The following ITGA8 variants were observed in gnomAD, a reference collection of about 807,000 sequenced individuals.
ITGA8 encodes the protein integrin alpha-8.
ITGA8 carries 91 observed loss-of-function variants against 142.3 expected under a neutral mutation model. The ratio of observed to expected loss-of-function variants is 0.64; its 90% CI spans 0.54 to 0.76. The LOEUF (loss-of-function observed/expected upper bound fraction) is 0.76, where lower values mean the gene tolerates loss of function less well. Among genes scored for constraint, ITGA8 ranks in the 30% least tolerant of loss-of-function variants. The probability of loss-of-function intolerance (pLI) is 0.00; values close to 1 mark genes in which losing one functional copy is unlikely to be tolerated. For synonymous variants in ITGA8, 505 were observed against 485.2 expected, an observed-to-expected ratio of 1.04 and a Z score of -0.54; for missense variants, 1,406 against 1,327.7, an observed-to-expected ratio of 1.06 and a Z score of -0.92.
chr10:15,605,917 C>A (rs577661681), intron 18 of ITGA8, 126 bp from the exon 19 acceptor site: 15 of 778,226 alleles, frequency 1.9e-5, no homozygotes. Context: ...TGACTCTACC[C>A]AAGCCAATAG....
At chr10:15,685,911 G>C (rs889009607) in intron 3 of ITGA8, among the ~76,000 whole-genome samples, 2 of 152,188 alleles carry the variant, frequency 1.3e-5, no homozygotes, top group Non-Finnish European at 2.9e-5. Context: ...TCCTCGTCAA[G>C]TAAATGAAAT....
rs9333084 is a variant in ITGA8, at chr10:15,687,275, A to G, written c.444+663T>C. Among the ~76,000 whole-genome samples the G allele has an allele frequency of 3.0e-3, 454 of 152,242 alleles. 4 individuals carry two copies. The highest frequency in any genetic ancestry group is 0.011 in the African/African-American group (440 of 41,522). Reference sequence around the variant, plus strand: ...CCAAAGTTATTGCTTTATTGTTGTAAGGAAATTAAAGCCAATAGGTTGAAA... The same window carrying G: ...CCAAAGTTATTGCTTTATTGTTGTAGGGAAATTAAAGCCAATAGGTTGAAA... On this transcript the variant is annotated intron_variant, in intron 3 of 29. Coordinates refer to ENST00000378076, the MANE Select transcript of ITGA8 (RefSeq NM_003638.3).
chr10:15,666,302 T>A (rs1468420134), intron 8 of ITGA8, among the ~76,000 whole-genome samples: 9 of 152,222 alleles, frequency 5.9e-5, no homozygotes, highest in East Asian at 1.9e-4. Flanking sequence ...AGTTCACTCA[T>A]GATTTGGCTC....
At chr10:15,664,541 G>C (rs1410744682) in intron 8 of ITGA8, among the ~76,000 whole-genome samples, 1 of 147,778 alleles carries the variant, frequency 6.8e-6, no homozygotes, top group Non-Finnish European at 1.5e-5. Flanking sequence ...TATACTTTAA[G>C]TTTTAGGGTA....
chr10:15,600,987 C>G (rs1251728723), intron 20 of ITGA8, among the ~76,000 whole-genome samples: 1 of 152,202 alleles, frequency 6.6e-6, no homozygotes, highest in Non-Finnish European at 1.5e-5. Context: ...CACCTGTAAT[C>G]TCAGCACTTT....
intron 25 of ITGA8, among the ~76,000 whole-genome samples, chr10:15,570,819 CAT>C (rs1834166708): frequency 6.6e-6 from 1 of 151,960 alleles, no homozygotes; most frequent in African/African-American, 2.4e-5. Context: ...TATATACAAA[CAT>C]ATATAAATAG....
intron 4 of ITGA8, 112 bp from the exon 5 acceptor site, chr10:15,678,895 G>T: frequency 5.2e-6 from 3 of 581,784 alleles, no homozygotes; most frequent in South Asian, 2.8e-5. Flanking sequence ...AATTAAAAAT[G>T]ATCAATATGT....
chr10:15,539,530 A>G (rs1833525764), intron 27 of ITGA8, among the ~76,000 whole-genome samples: 1 of 152,184 alleles, frequency 6.6e-6, no homozygotes, highest in Admixed American at 6.5e-5. Context: ...GGCAGGAAAT[A>G]AAAGAACAAT....
intron 13 of ITGA8, among the ~76,000 whole-genome samples, chr10:15,617,706 C>T (rs1034066838): frequency 5.3e-5 from 8 of 152,130 alleles, no homozygotes; most frequent in Non-Finnish European, 8.8e-5. Flanking sequence ...GCGGGCTTTT[C>T]TTAATCTCAT....
At position 15,644,237 on chromosome 10, in the gene ITGA8, A is replaced by C; in HGVS notation, c.1208-16T>G. On this transcript the variant is annotated splice_polypyrimidine_tract_variant and intron_variant, in intron 12 of 29. Transcript: ENST00000378076. ...ATGGCAATGTCTAAAAACAGACATAAAACATGTTTTATGTGTATATGTATT... is the reference window on the plus strand; with the variant it reads ...ATGGCAATGTCTAAAAACAGACATACAACATGTTTTATGTGTATATGTATT... 2.5e-6 allele frequency: 4 copies of C among 1,609,246 alleles called. No individual in the cohort carries two copies. The highest frequency in any genetic ancestry group is 3.4e-6 in the Non-Finnish European group (4 of 1,176,976).
chr10:15,528,098 T>C (rs552681058), intron 28 of ITGA8, among the ~76,000 whole-genome samples: 4 of 151,868 alleles, frequency 2.6e-5, no homozygotes, highest in African/African-American at 9.7e-5. Flanking sequence ...TGCTTTTTGT[T>C]GTTGTTGTTT....
chr10:15,527,022 A>ACGT (rs1833188000), intron 28 of ITGA8, among the ~76,000 whole-genome samples: 3 of 152,196 alleles, frequency 2.0e-5, no homozygotes, highest in South Asian at 4.1e-4. Context: ...ATTAATGTTG[A>ACGT]CGTCTCTATT....
At chr10:15,665,221 G>A in intron 8 of ITGA8, among the ~76,000 whole-genome samples, 1 of 152,186 alleles carries the variant, frequency 6.6e-6, no homozygotes, top group Non-Finnish European at 1.5e-5. Context: ...ACTATTGTGA[G>A]ATGGTATCTC....
chr10:15,715,982 G>A (rs1302303075), intron 2 of ITGA8, among the ~76,000 whole-genome samples: 3 of 152,180 alleles, frequency 2.0e-5, no homozygotes, highest in Non-Finnish European at 4.4e-5. Context: ...CATTCCCACT[G>A]GCAATCAAGG....
intron 8 of ITGA8, 85 bp downstream of exon 8, chr10:15,671,518 A>G (rs1290437935): frequency 3.6e-6 from 4 of 1,120,390 alleles, no homozygotes; most frequent in East Asian, 2.4e-5. Flanking sequence ...AGCAAATAAA[A>G]TCACATTGAT....
At chr10:15,532,063 T>G (rs1360356540) in intron 27 of ITGA8, among the ~76,000 whole-genome samples, 1 of 151,962 alleles carries the variant, frequency 6.6e-6, no homozygotes, top group Non-Finnish European at 1.5e-5. Context: ...GCCTGTCCTC[T>G]GCATTGTAGG....
At chr10:15,715,689 A>T (rs573409229) in intron 2 of ITGA8, among the ~76,000 whole-genome samples, 213 of 152,358 alleles carry the variant, frequency 1.4e-3, no homozygotes, top group African/African-American at 5.0e-3. Flanking sequence ...TGACTTCAGG[A>T]CCCAGAGCCA....
At chr10:15,584,940 GCTA>G (rs1832796630) in intron 23 of ITGA8, among the ~76,000 whole-genome samples, 1 of 152,142 alleles carries the variant, frequency 6.6e-6, no homozygotes, top group Admixed American at 6.5e-5. Flanking sequence ...TGTAATCCCA[GCTA>G]CTGAGGAGGC....
At position 15,604,639 on chromosome 10, in the gene ITGA8, A is replaced by C. The variant is rs78493410; in HGVS notation, c.1971-284T>G. Among the ~76,000 whole-genome samples, 40 of 152,046 alleles carry C rather than the reference A, an allele frequency of 2.6e-4. 1 individual carries two copies. The East Asian group carries it at 7.7e-3, about 29-fold the overall frequency. Reference sequence around the variant, plus strand: ...GCATTTTCAGATTCCAGTGGTGTAAATCCATGAACCGTGGTCATTTTCAAG... The same window carrying C: ...GCATTTTCAGATTCCAGTGGTGTAACTCCATGAACCGTGGTCATTTTCAAG... On this transcript the variant is annotated intron_variant, in intron 19 of 29. Coordinates refer to ENST00000378076, the MANE Select transcript of ITGA8 (RefSeq NM_003638.3).
Sources: allele counts gnomAD v4.1 joint callset (sites outside exome capture counted in the v4.1 genomes callset), GRCh38; gene constraint gnomAD v4.1.1; transcripts MANE v1.5; gene names NCBI Gene and HGNC (gene_info 2026-07-23, HGNC 2026-07-21).